ZNF385D: variants seen among roughly 807,000 people sequenced by gnomAD.
ZNF385D encodes zinc finger protein 385D, also known as zinc finger protein 659.
A neutral mutation model predicts 35.8 loss-of-function variants in ZNF385D; 15 were observed. That is an observed-to-expected ratio of 0.42 (90% CI 0.28 to 0.64). The LOEUF (loss-of-function observed/expected upper bound fraction) is 0.64. ZNF385D is among the 30% of genes least tolerant of loss of function. ZNF385D has a pLI of 0.23. For synonymous variants in ZNF385D, 212 were observed against 186.8 expected, an observed-to-expected ratio of 1.13 and a Z score of -1.10; for missense variants, 474 against 494.6, an observed-to-expected ratio of 0.96 and a Z score of 0.39.
intron 2 of ZNF385D, among the ~76,000 whole-genome samples, chr3:21,601,006 G>T (rs1239122148): frequency 6.6e-6 from 1 of 151,744 alleles, no homozygotes; most frequent in African/African-American, 2.4e-5. Context: ...GGAAAGTTGT[G>T]GTAGAAGCCT....
chr3:21,587,826 A>G (rs1457588), intron 2 of ZNF385D, among the ~76,000 whole-genome samples: 138,039 of 152,102 alleles, frequency 0.91, 62,840 homozygotes, highest in African/African-American at 0.97. Flanking sequence ...GGAGCCTGAA[A>G]AGGTGAGAGT....
intron 2 of ZNF385D, among the ~76,000 whole-genome samples, chr3:22,199,434 C>A (rs1696635890): frequency 6.6e-6 from 1 of 152,064 alleles, no homozygotes; most frequent in South Asian, 2.1e-4. Flanking sequence ...GTGTTTGCCC[C>A]TGCAAAACAA....
chr3:22,105,774 C>G (rs1311534039), intron 3 of ZNF385D, among the ~76,000 whole-genome samples: 3 of 152,136 alleles, frequency 2.0e-5, no homozygotes, highest in Non-Finnish European at 4.4e-5. Context: ...CTGCTTTACT[C>G]AGTCCAATTC....
intron 1 of ZNF385D, among the ~76,000 whole-genome samples, chr3:21,740,795 A>G (rs2069476646): frequency 6.6e-6 from 1 of 151,816 alleles, no homozygotes; most frequent in Non-Finnish European, 1.5e-5. Context: ...TTACTGTAAA[A>G]TGGTTAAAAT....
At chr3:22,102,573 T>C (rs975949244) in intron 3 of ZNF385D, among the ~76,000 whole-genome samples, 89 of 152,056 alleles carry the variant, frequency 5.9e-4, no homozygotes, top group Admixed American at 1.6e-3. Context: ...GATTAGCAAC[T>C]TCTTTGCTGT....
chr3:21,858,965 A>G (rs1696887642), intron 3 of ZNF385D, among the ~76,000 whole-genome samples: 1 of 152,124 alleles, frequency 6.6e-6, no homozygotes, highest in Admixed American at 6.6e-5. Context: ...ATCTCAAGAT[A>G]TATAGAAACT....
chr3:22,159,000 C>T (rs894484988), intron 3 of ZNF385D, among the ~76,000 whole-genome samples: 2 of 151,814 alleles, frequency 1.3e-5, no homozygotes, highest in Admixed American at 1.3e-4. Context: ...GGAGTGATTA[C>T]TTTCCTAAGA....
chr3:22,255,414 C>T (rs568980914), intron 2 of ZNF385D, among the ~76,000 whole-genome samples: 33 of 151,794 alleles, frequency 2.2e-4, no homozygotes, highest in Non-Finnish European at 3.5e-4. Flanking sequence ...AAATAACTTA[C>T]TTACACACAC....
In ZNF385D at chr3:21,601,677, T is replaced by C. The variant is rs371942186; in HGVS notation, c.166-36993A>G. Among the ~76,000 whole-genome samples, 7 of 152,348 alleles carry C rather than the reference T, an allele frequency of 4.6e-5. 1 individual carries two copies. Among genetic ancestry groups the C allele is most frequent in the African/African-American group, 1.7e-4 (7 of 41,580 alleles). ...TAATAAATGATCACCACACTTCTCTTGCTCACAAACACCCAAAGATGCCCT... is the reference window on the plus strand; with the variant it reads ...TAATAAATGATCACCACACTTCTCTCGCTCACAAACACCCAAAGATGCCCT... On this transcript the variant is annotated intron_variant, in intron 2 of 7. Coordinates refer to ENST00000281523, the MANE Select transcript of ZNF385D (RefSeq NM_024697.3).
chr3:21,514,399 C>T (rs1423345703), intron 3 of ZNF385D, among the ~76,000 whole-genome samples: 2 of 152,072 alleles, frequency 1.3e-5, no homozygotes, highest in African/African-American at 4.8e-5. Context: ...AAGATTTGAG[C>T]TTTAACAGCT....
At chr3:21,644,340 C>A (rs1342740990) in intron 2 of ZNF385D, among the ~76,000 whole-genome samples, 1 of 152,160 alleles carries the variant, frequency 6.6e-6, no homozygotes, top group Non-Finnish European at 1.5e-5. Flanking sequence ...GCCAGAGACT[C>A]TCCCCATAGC....
intron 2 of ZNF385D, among the ~76,000 whole-genome samples, chr3:22,181,299 A>G (rs893678094): frequency 2.8e-4 from 43 of 152,074 alleles, no homozygotes; most frequent in African/African-American, 1.0e-3. Flanking sequence ...AGTGGCACAT[A>G]TACTCTAGGA....
chr3:22,164,796 C>T (rs1400910988), intron 3 of ZNF385D, among the ~76,000 whole-genome samples: 1 of 151,730 alleles, frequency 6.6e-6, no homozygotes, highest in Non-Finnish European at 1.5e-5. Context: ...AACAAAGTGT[C>T]CGGATAATTT....
At chr3:21,538,833 T>C (rs2062103382) in intron 3 of ZNF385D, among the ~76,000 whole-genome samples, 2 of 152,180 alleles carry the variant, frequency 1.3e-5, no homozygotes, top group South Asian at 4.2e-4. Flanking sequence ...TTACACTGTC[T>C]ACAATAAGTA....
chr3:22,288,359 C>T (rs776921901), intron 2 of ZNF385D, among the ~76,000 whole-genome samples: 42 of 151,872 alleles, frequency 2.8e-4, no homozygotes, highest in Admixed American at 7.9e-4. Flanking sequence ...ATTTCTTCTC[C>T]TGGAATTCTA....
chr3:22,000,963 A>C (rs1189820859), intron 3 of ZNF385D, among the ~76,000 whole-genome samples: 1 of 152,074 alleles, frequency 6.6e-6, no homozygotes, highest in African/African-American at 2.4e-5. Context: ...AAAAATATAA[A>C]ATAAAATAAA....
chr3:21,472,008 ATTG>A (rs1198352933), intron 4 of ZNF385D, among the ~76,000 whole-genome samples: 2 of 152,148 alleles, frequency 1.3e-5, no homozygotes, highest in Non-Finnish European at 2.9e-5. Flanking sequence ...AATTAGAACT[ATTG>A]TTGTCTTGAA....
intron 3 of ZNF385D, among the ~76,000 whole-genome samples, chr3:21,762,286 C>T (rs924511618): frequency 1.3e-5 from 2 of 152,146 alleles, no homozygotes; most frequent in Admixed American, 1.3e-4. Context: ...CTCTATCCTT[C>T]TCTTTGCTTC....
chr3:22,317,705 C>T (rs989536522), intron 2 of ZNF385D, among the ~76,000 whole-genome samples: 1 of 152,152 alleles, frequency 6.6e-6, no homozygotes, highest in Non-Finnish European at 1.5e-5. Flanking sequence ...CACTACAAGT[C>T]ATCAGTCTGT....
Sources: gnomAD v4.1 joint callset for allele counts (sites outside exome capture counted in the v4.1 genomes callset) on GRCh38, gnomAD v4.1.1 for gene constraint, MANE v1.5 for transcripts, NCBI Gene and HGNC (gene_info 2026-07-23, HGNC 2026-07-21) for gene names.